The following ATP12A variants were observed in gnomAD, a reference collection of about 807,000 sequenced individuals.
The protein encoded by ATP12A is potassium-transporting ATPase alpha chain 2.
ATP12A carries 81 observed loss-of-function variants against 111.2 expected under a neutral mutation model. The ratio of observed to expected loss-of-function variants is 0.73; its 90% CI spans 0.61 to 0.88. The LOEUF (loss-of-function observed/expected upper bound fraction) is 0.88. Among genes scored for constraint, ATP12A ranks in the 40% least tolerant of loss-of-function variants. ATP12A has a pLI of 0.00. For missense variants in ATP12A, 1,196 were observed against 1,313.1 expected, an observed-to-expected ratio of 0.91 and a Z score of 1.38; for synonymous variants, 498 against 499.8, an observed-to-expected ratio of 1.00 and a Z score of 0.05.
chr13:24,691,370 G>T, intron 8 of ATP12A, 120 bp downstream of exon 8: 1 of 1,253,402 alleles, frequency 8.0e-7, no homozygotes, highest in Non-Finnish European at 1.1e-6. Flanking sequence ...CTCCCCGCCA[G>T]CGACAACCCT....
intron 17 of ATP12A, 76 bp from the exon 18 acceptor site, chr13:24,709,264 CCCCATCCAGCCAGTGCCCCACCCA>C: frequency 1.1e-5 from 5 of 451,862 alleles, no homozygotes; most frequent in South Asian, 6.3e-5. Flanking sequence ...ATGCCCCCCA[CCCCATCCAGCCAGTGCCCCACCCA>C]CCCCAGCCCC....
At chr13:24,688,882 G>A (rs1317838456) in intron 4 of ATP12A, among the ~76,000 whole-genome samples, 1 of 152,168 alleles carries the variant, frequency 6.6e-6, no homozygotes, top group Non-Finnish European at 1.5e-5. Flanking sequence ...CCAAGAGACA[G>A]AAGCCAGAGG....
At chr13:24,709,551 G>GAATTCTTTCT in intron 18 of ATP12A, 64 bp downstream of exon 18, 1 of 1,599,798 alleles carries the variant, frequency 6.3e-7, no homozygotes, top group Admixed American at 1.7e-5. Context: ...CTGGAGTGGG[G>GAATTCTTTCT]GGCACAGCCA....
intron 11 of ATP12A, among the ~76,000 whole-genome samples, chr13:24,697,418 G>A (rs756959858): frequency 1.3e-5 from 2 of 152,038 alleles, no homozygotes; most frequent in Non-Finnish European, 2.9e-5. Flanking sequence ...CAGATTGCTT[G>A]AGCCCAGGAG....
chr13:24,694,849 ACTCT>A (rs746879140), intron 11 of ATP12A, among the ~76,000 whole-genome samples: 3 of 148,610 alleles, frequency 2.0e-5, no homozygotes, highest in African/African-American at 5.0e-5. Flanking sequence ...ACAGGCACAC[ACTCT>A]CTCTCTCTCA....
rs150364553 is a variant in ATP12A at position 24,710,893 on chromosome 13, G to A, written c.2999G>A (p.Arg1000Lys). The A allele has an allele frequency of 2.7e-5, 43 of 1,613,506 alleles. No homozygotes were observed. Among genetic ancestry groups the A allele is most frequent in the Non-Finnish European group, 2.2e-5 (26 of 1,179,566 alleles). Residue 1000 changes from arginine (R) to lysine (K), a missense_variant and splice_region_variant, in exon 21 of 23, where the codon AGG becomes AAG. Transcript: ENST00000381946. Reference protein sequence around the residue: ...SVTALSFTMLRAQYWFVAVPH... With the variant: ...SVTALSFTMLKAQYWFVAVPH... ...ACAGCCTTGAGTTTCACCATGCTTA[G>A]GTGAGTTCACCCTCAACAGCATGGA...
At chr13:24,688,235 A>G (rs909800745) in intron 3 of ATP12A, 84 bp from the exon 4 acceptor site, 13 of 1,465,214 alleles carry the variant, frequency 8.9e-6, no homozygotes, top group Non-Finnish European at 1.2e-5. Context: ...AGCTGCAAAA[A>G]TATGCAGCCC....
chr13:24,709,256 G>GGCCCCCC, intron 17 of ATP12A, 108 bp from the exon 18 acceptor site: 1 of 584,596 alleles, frequency 1.7e-6, no homozygotes, highest in Non-Finnish European at 2.8e-6. Flanking sequence ...CCAGCTCCAT[G>GGCCCCCC]CCCCCCACCC....
In ATP12A at chr13:24,690,404, A is replaced by T. The variant is rs142334583; in HGVS notation, c.613A>T (p.Ile205Phe). 16 of 1,612,994 alleles carry T rather than the reference A, an allele frequency of 9.9e-6. No individual in the cohort carries two copies. The highest frequency in any genetic ancestry group is 1.4e-5 in the Non-Finnish European group (16 of 1,179,824). ...IPSEQLVVGD[I>F]VEVKGGDQIP... ...TTCAGAGCAGCTGGTGGTGGGGGAC[A>T]TTGTGGAGGTCAAAGGAGGAGACCA... is the stretch of plus-strand genomic sequence containing the variant. Residue 205 changes from isoleucine to phenylalanine, a missense_variant, in exon 6 of 23, where the codon ATT becomes TTT. By Grantham distance (21) the Ile-to-Phe change is conservative. Transcript: ENST00000381946.
At chr13:24,697,330 T>C (rs1875208461) in intron 11 of ATP12A, among the ~76,000 whole-genome samples, 1 of 152,162 alleles carries the variant, frequency 6.6e-6, no homozygotes. Flanking sequence ...CCCTATGTTT[T>C]AAATGTAAAA....
intron 2 of ATP12A, among the ~76,000 whole-genome samples, chr13:24,684,649 G>A (rs992616430): frequency 2.0e-5 from 3 of 152,246 alleles, no homozygotes; most frequent in Non-Finnish European, 4.4e-5. Flanking sequence ...GTTAGTGGGT[G>A]GAGCCCACAA....
rs374313712 is a variant in ATP12A at position 24,707,136 on chromosome 13, C to A, written c.2283C>A (p.Ala761=). Residue 761 remains alanine (A), a synonymous_variant, in exon 16 of 23, where the codon GCC becomes GCA. Transcript: ENST00000381946. ...IAGSDAAKNA[A]DMVLLDDNFA... ...GTTCTGATGCAGCCAAAAATGCAGCCGACATGGTCTTGCTGGACGACAACT... is the reference window on the plus strand; with the variant it reads ...GTTCTGATGCAGCCAAAAATGCAGCAGACATGGTCTTGCTGGACGACAACT... The A allele has an allele frequency of 1.2e-6, 2 of 1,613,922 alleles. No homozygotes were observed. The highest frequency in any genetic ancestry group is 8.5e-7 in the Non-Finnish European group (1 of 1,180,010).
At chr13:24,698,097 T>C (rs2137707812) in intron 11 of ATP12A, among the ~76,000 whole-genome samples, 1 of 152,232 alleles carries the variant, frequency 6.6e-6, no homozygotes, top group Admixed American at 6.5e-5. Flanking sequence ...GTCAAGAGCA[T>C]TCCTATTAAA....
intron 19 of ATP12A, among the ~76,000 whole-genome samples, 165 bp from the exon 20 acceptor site, chr13:24,710,295 G>T (rs893796977): frequency 1.3e-5 from 2 of 152,156 alleles, no homozygotes; most frequent in Non-Finnish European, 2.9e-5. Flanking sequence ...TCTCTACTCA[G>T]CTGGTTCAAG....
rs79572493 is a variant in ATP12A, at chr13:24,691,838, G to A, written c.1068+588G>A. Among the ~76,000 whole-genome samples, 1,429 of 152,274 alleles carry A rather than the reference G, an allele frequency of 9.4e-3. 11 individuals carry two copies. Among genetic ancestry groups the A allele is most frequent in the South Asian group, 0.016 (78 of 4,824 alleles). ...CAGTTTTGTGACTACATGATCATTG[G>A]CCTGCTATTGTCCTGACCAAAGAAA... On this transcript the variant is annotated intron_variant, in intron 8 of 22. Coordinates refer to ENST00000381946, the MANE Select transcript of ATP12A (RefSeq NM_001676.7).
At position 24,694,230 on chromosome 13, in the gene ATP12A, C is replaced by T. The variant is rs181727985; in HGVS notation, c.1378-214C>T. 4.3e-3 allele frequency among the ~76,000 whole-genome samples: 659 copies of T among 152,254 alleles called. 10 individuals are homozygous for T. Among genetic ancestry groups the T allele is most frequent in the African/African-American group, 0.015 (615 of 41,540 alleles). On this transcript the variant is annotated intron_variant, in intron 10 of 22. Coordinates refer to ENST00000381946, the MANE Select transcript of ATP12A (RefSeq NM_001676.7). Reference sequence around the variant, plus strand: ...TTTTTTCCACGAAATCTTCAGTCCTCGCAGAGGTCCAGCTTCTCCAAACAT... The same window carrying T: ...TTTTTTCCACGAAATCTTCAGTCCTTGCAGAGGTCCAGCTTCTCCAAACAT...
chr13:24,699,794 T>G (rs1261072589), intron 12 of ATP12A, among the ~76,000 whole-genome samples: 2 of 152,066 alleles, frequency 1.3e-5, no homozygotes, highest in Non-Finnish European at 2.9e-5. Context: ...GACCACAGAA[T>G]GACAAATTCA....
intron 11 of ATP12A, among the ~76,000 whole-genome samples, chr13:24,696,041 A>C (rs956005946): frequency 1.3e-5 from 2 of 152,230 alleles, no homozygotes; most frequent in African/African-American, 2.4e-5. Context: ...CACATCTCTT[A>C]CGTAAAACCA....
intron 14 of ATP12A, among the ~76,000 whole-genome samples, chr13:24,705,611 G>A (rs1042210174): frequency 6.6e-6 from 1 of 152,166 alleles, no homozygotes; most frequent in South Asian, 2.1e-4. Flanking sequence ...ATTACCCCTT[G>A]TTTGGCCATA....
Sources: allele counts gnomAD v4.1 joint callset (sites outside exome capture counted in the v4.1 genomes callset), GRCh38; gene constraint gnomAD v4.1.1; transcripts MANE v1.5; gene names NCBI Gene and HGNC (gene_info 2026-07-23, HGNC 2026-07-21).